The following FGF14 variants were observed in gnomAD, a reference collection of about 807,000 sequenced individuals.
FGF14 encodes fibroblast growth factor homologous factor 4.
FGF14 carries 5 observed loss-of-function variants against 25.5 expected under a neutral mutation model. The ratio of observed to expected loss-of-function variants is 0.20; its 90% CI spans 0.10 to 0.41. The LOEUF is 0.41. FGF14 is among the 10% of genes least tolerant of loss of function. The pLI is 1.00. For synonymous variants in FGF14, 138 were observed against 118.3 expected, an observed-to-expected ratio of 1.17 and a Z score of -1.08; for missense variants, 222 against 320.1, an observed-to-expected ratio of 0.69 and a Z score of 2.34.
intron 1 of FGF14, among the ~76,000 whole-genome samples, chr13:102,004,587 C>A (rs1440837922): frequency 6.6e-6 from 1 of 152,202 alleles, no homozygotes; most frequent in Non-Finnish European, 1.5e-5. Flanking sequence ...AACCTGATTA[C>A]TGATTGGAAC....
intron 1 of FGF14, among the ~76,000 whole-genome samples, chr13:101,974,406 T>A (rs1449751085): frequency 6.6e-6 from 1 of 152,242 alleles, no homozygotes; most frequent in Non-Finnish European, 1.5e-5. Context: ...GCCTCTCATA[T>A]TAGTTTGTCA....
intron 1 of FGF14, among the ~76,000 whole-genome samples, chr13:102,090,261 ATTAAT>A (rs1289206655): frequency 1.1e-4 from 17 of 152,236 alleles, no homozygotes; most frequent in Non-Finnish European, 2.2e-4. Flanking sequence ...ATCGATGGCA[ATTAAT>A]TTGTCACATA....
chr13:102,354,369 C>T (rs967570574), intron 1 of FGF14: 4 of 152,328 alleles, frequency 2.6e-5, no homozygotes, highest in East Asian at 1.9e-4. Flanking sequence ...CCTCTACCCC[C>T]TCTCTCACAT....
intron 1 of FGF14, among the ~76,000 whole-genome samples, chr13:101,915,285 A>T (rs1443445677): frequency 6.6e-6 from 1 of 152,216 alleles, no homozygotes; most frequent in Non-Finnish European, 1.5e-5. Flanking sequence ...AAATGTAAGG[A>T]CACGCACTCA....
At chr13:102,095,276 G>A (rs1408802169) in intron 1 of FGF14, among the ~76,000 whole-genome samples, 2 of 152,054 alleles carry the variant, frequency 1.3e-5, no homozygotes, top group Admixed American at 6.6e-5. Context: ...CTAATGGACC[G>A]CCAGAGTAGA....
rs2034808411 is a variant in FGF14, at chr13:101,718,559, T to C, written c.*4272A>G. The C allele has an allele frequency of 1.5e-5, 2 of 135,710 alleles. No individual in the cohort carries two copies. Among genetic ancestry groups the C allele is most frequent in the Admixed American group, 8.2e-5 (1 of 12,232 alleles). The allele number at this position is 135,710 out of a possible 1,614,324, so 8.4% of individuals were successfully genotyped here. ...AGGTGTTGGCACTAACGCTGCTTGT[T>C]TGGCAAATCATCATCACTGAGGTAT... On this transcript the variant is annotated 3_prime_UTR_variant, in exon 5 of 5. Transcript: ENST00000376143.
intron 4 of FGF14, among the ~76,000 whole-genome samples, chr13:101,723,747 T>C (rs1055752836): frequency 2.6e-5 from 4 of 152,076 alleles, no homozygotes; most frequent in African/African-American, 9.7e-5. Flanking sequence ...GGCATAATCA[T>C]AGTAGTTCAC....
chr13:102,101,384 G>A (rs181773672), intron 1 of FGF14, among the ~76,000 whole-genome samples: 1 of 152,144 alleles, frequency 6.6e-6, no homozygotes. Flanking sequence ...ATATGATATA[G>A]TAACCAGAGA....
At chr13:101,784,484 A>G (rs572501542) in intron 3 of FGF14, among the ~76,000 whole-genome samples, 3 of 152,264 alleles carry the variant, frequency 2.0e-5, no homozygotes, top group African/African-American at 7.2e-5. Flanking sequence ...GCTCAATTCC[A>G]GGAGAAACCA....
chr13:102,379,505 C>T (rs979095103), intron 1 of FGF14, among the ~76,000 whole-genome samples: 1 of 146,348 alleles, frequency 6.8e-6, no homozygotes, highest in Non-Finnish European at 1.5e-5. Flanking sequence ...TTTAAACTTT[C>T]AGTTTAAAGT....
chr13:101,864,770 G>C (rs1047431646), intron 3 of FGF14, among the ~76,000 whole-genome samples: 5 of 152,096 alleles, frequency 3.3e-5, no homozygotes, highest in Non-Finnish European at 7.4e-5. Context: ...GAACATGGAA[G>C]CACTGATGGC....
intron 1 of FGF14, among the ~76,000 whole-genome samples, chr13:102,285,435 T>C (rs918579965): frequency 2.0e-5 from 3 of 152,182 alleles, no homozygotes; most frequent in Non-Finnish European, 1.5e-5. Flanking sequence ...GTGGGGTAAA[T>C]GCTAGTTAAG....
intron 1 of FGF14, among the ~76,000 whole-genome samples, chr13:101,905,892 A>G (rs548706093): frequency 2.6e-5 from 4 of 152,250 alleles, no homozygotes; most frequent in South Asian, 2.1e-4. Context: ...CCTGACCACT[A>G]TGAGTTCCTG....
intron 3 of FGF14, among the ~76,000 whole-genome samples, chr13:101,848,513 C>G (rs2043582429): frequency 6.6e-6 from 1 of 152,006 alleles, no homozygotes; most frequent in Admixed American, 6.6e-5. Context: ...GAGACACATT[C>G]CTTCAGCGAG....
chr13:102,145,987 A>G (rs952517986), intron 1 of FGF14, among the ~76,000 whole-genome samples: 2 of 152,236 alleles, frequency 1.3e-5, no homozygotes, highest in African/African-American at 4.8e-5. Context: ...AACAGTGAGT[A>G]TATCAGAGAA....
intron 3 of FGF14, among the ~76,000 whole-genome samples, chr13:101,766,419 C>A (rs1369094646): frequency 6.6e-6 from 1 of 152,124 alleles, no homozygotes; most frequent in Non-Finnish European, 1.5e-5. Flanking sequence ...CAGGATTGCA[C>A]AGACAATAAG....
At chr13:102,053,303 C>T (rs1005140153) in intron 1 of FGF14, among the ~76,000 whole-genome samples, 6 of 152,080 alleles carry the variant, frequency 3.9e-5, no homozygotes, top group Middle Eastern at 3.4e-3. Flanking sequence ...CAATATGCTG[C>T]CTACAAGAGA....
At chr13:102,170,569 G>T (rs779919123) in intron 1 of FGF14, among the ~76,000 whole-genome samples, 1 of 152,106 alleles carries the variant, frequency 6.6e-6, no homozygotes, top group African/African-American at 2.4e-5. Context: ...GCTGCAGTTT[G>T]GTGAAAGGCC....
intron 1 of FGF14, among the ~76,000 whole-genome samples, chr13:102,327,017 G>GA (rs1194455421): frequency 6.6e-6 from 1 of 152,064 alleles, no homozygotes; most frequent in Non-Finnish European, 1.5e-5. Context: ...GATAAACACA[G>GA]AAAAAATCCA....
Sources: allele counts gnomAD v4.1 joint callset (sites outside exome capture counted in the v4.1 genomes callset), GRCh38; gene constraint gnomAD v4.1.1; transcripts MANE v1.5; gene names NCBI Gene and HGNC (gene_info 2026-07-23, HGNC 2026-07-21).